Variants in PALS2 observed in about 807,000 individuals in gnomAD.
PALS2 encodes the protein protein PALS2.
In PALS2, 27 loss-of-function variants were observed where a neutral mutation model predicts 61.6. The ratio of observed to expected loss-of-function variants is 0.44; its 90% CI spans 0.32 to 0.60. The LOEUF is 0.60. Among genes scored for constraint, PALS2 ranks in the 20% least tolerant of loss-of-function variants. PALS2 has a pLI of 0.05. For missense variants in PALS2, 554 were observed against 639.4 expected (o/e 0.87, Z 1.44); for synonymous variants, 236 against 218.6 (o/e 1.08, Z -0.70).
At chr7:24,589,797 T>C (rs1783213026) in intron 1 of PALS2, among the ~76,000 whole-genome samples, 1 of 152,226 alleles carries the variant, frequency 6.6e-6, no homozygotes, top group Non-Finnish European at 1.5e-5. Context: ...TAAAGGTTTC[T>C]ATCCCTACTC....
chr7:24,578,961 A>G (rs1782738265), intron 1 of PALS2, among the ~76,000 whole-genome samples: 1 of 152,248 alleles, frequency 6.6e-6, no homozygotes, highest in South Asian at 2.1e-4. Flanking sequence ...TGAGGAAGAT[A>G]AAATATATAC....
chr7:24,633,097 TATC>T (rs1261239699), intron 2 of PALS2, among the ~76,000 whole-genome samples: 5 of 152,134 alleles, frequency 3.3e-5, no homozygotes, highest in African/African-American at 4.8e-5. Flanking sequence ...ATAAAACTAT[TATC>T]TATTAAATCA....
At chr7:24,612,947 G>C (rs1356588590) in intron 1 of PALS2, among the ~76,000 whole-genome samples, 1 of 151,700 alleles carries the variant, frequency 6.6e-6, no homozygotes, top group Admixed American at 6.6e-5. Context: ...ATAGAACCTG[G>C]TATAAAATGA....
rs191638281 is a variant in PALS2, at chr7:24,640,037, G to A, written c.118-1679G>A. 2.1e-4 allele frequency among the ~76,000 whole-genome samples: 32 copies of A among 151,864 alleles called. No homozygotes were observed. The East Asian group carries it at 4.3e-3, about 20-fold the overall frequency. ...TCACCATGTTGGGCAGGCTGGTCTCGAACTCCTGAGCTCAAGTGATCTGCC... is the reference window on the plus strand; with the variant it reads ...TCACCATGTTGGGCAGGCTGGTCTCAAACTCCTGAGCTCAAGTGATCTGCC... On this transcript the variant is annotated intron_variant, in intron 2 of 11. Coordinates refer to ENST00000222644, the MANE Select transcript of PALS2 (RefSeq NM_001303037.2).
At chr7:24,597,563 G>A (rs1439701583) in intron 1 of PALS2, among the ~76,000 whole-genome samples, 2 of 152,188 alleles carry the variant, frequency 1.3e-5, no homozygotes, top group African/African-American at 4.8e-5. Context: ...TGGAGAAGAT[G>A]TTAGCACATT....
At chr7:24,605,313 A>G (rs1434112490) in intron 1 of PALS2, among the ~76,000 whole-genome samples, 1 of 152,182 alleles carries the variant, frequency 6.6e-6, no homozygotes, top group Non-Finnish European at 1.5e-5. Context: ...AATAGAAACA[A>G]CTGCCATGTT....
At chr7:24,594,197 A>G (rs1226648636) in intron 1 of PALS2, among the ~76,000 whole-genome samples, 1 of 151,948 alleles carries the variant, frequency 6.6e-6, no homozygotes, top group Admixed American at 6.6e-5. Context: ...GTAGCTCTTC[A>G]CCTCTCTCAG....
chr7:24,607,468 CT>C (rs1783943199), intron 1 of PALS2, among the ~76,000 whole-genome samples: 1 of 151,436 alleles, frequency 6.6e-6, no homozygotes, highest in African/African-American at 2.4e-5. Flanking sequence ...GTGTATCTCT[CT>C]CTCTCTCTCT....
At chr7:24,625,277 A>G (rs1358651245) in intron 2 of PALS2, among the ~76,000 whole-genome samples, 1 of 152,182 alleles carries the variant, frequency 6.6e-6, no homozygotes, top group African/African-American at 2.4e-5. Flanking sequence ...GTTATTGTCC[A>G]TGTAGCTGTT....
chr7:24,628,218 C>T (rs1784835725), intron 2 of PALS2, among the ~76,000 whole-genome samples: 1 of 152,098 alleles, frequency 6.6e-6, no homozygotes, highest in Admixed American at 6.6e-5. Context: ...TCAACATGCA[C>T]AAATGCATAA....
intron 5 of PALS2, among the ~76,000 whole-genome samples, chr7:24,652,279 T>C (rs934523547): frequency 5.3e-5 from 8 of 152,338 alleles, no homozygotes; most frequent in African/African-American, 1.9e-4. Flanking sequence ...TAAGAGACTT[T>C]TACAGGCAAA....
chr7:24,642,552 C>T (rs1043789751), intron 3 of PALS2, among the ~76,000 whole-genome samples: 2 of 152,108 alleles, frequency 1.3e-5, no homozygotes, highest in Non-Finnish European at 2.9e-5. Context: ...TGATTTATGA[C>T]TGGGACACTG....
At chr7:24,641,547 T>C (rs1785552322) in intron 2 of PALS2, among the ~76,000 whole-genome samples, 169 bp from the exon 3 acceptor site, 1 of 152,226 alleles carries the variant, frequency 6.6e-6, no homozygotes. Context: ...TTGCATGATA[T>C]ACTTACTGTA....
chr7:24,671,679 G>T (rs1787303344), intron 9 of PALS2, among the ~76,000 whole-genome samples: 1 of 152,050 alleles, frequency 6.6e-6, no homozygotes, highest in African/African-American at 2.4e-5. Flanking sequence ...ACTCTTACAT[G>T]CAGATTATAT....
chr7:24,658,759 G>A lies in PALS2; in HGVS notation c.652-4831G>A, dbSNP rs191880704. Among the ~76,000 whole-genome samples the A allele has an allele frequency of 4.2e-4, 64 of 151,620 alleles. 1 individual carries two copies. The highest frequency in any genetic ancestry group is 3.4e-3 in the Middle Eastern group (1 of 292). ...TTTAGTAGAGACAGGGTTTCATCAC[G>A]TTGGCCAGGATGGTCTCGATCTCTT... On this transcript the variant is annotated intron_variant, in intron 5 of 11. Coordinates refer to ENST00000222644, the MANE Select transcript of PALS2 (RefSeq NM_001303037.2).
At chr7:24,629,120 A>G (rs949184331) in intron 2 of PALS2, among the ~76,000 whole-genome samples, 3 of 152,184 alleles carry the variant, frequency 2.0e-5, no homozygotes, top group Admixed American at 2.0e-4. Flanking sequence ...CTAAAACACC[A>G]TGGTACTGGT....
chr7:24,635,568 C>T (rs1037473082), intron 2 of PALS2, among the ~76,000 whole-genome samples: 1 of 152,036 alleles, frequency 6.6e-6, no homozygotes, highest in Admixed American at 6.6e-5. Context: ...TGGCTATAAC[C>T]TCCAGTACAA....
Position 24,646,651 on chromosome 7 carries a change from A to G in PALS2, c.271-2961A>G, listed in dbSNP as rs375678936. On this transcript the variant is annotated intron_variant, in intron 3 of 11. Transcript: ENST00000222644. The stretch of plus-strand genomic sequence containing the variant: ...GTTTCTGCCAGGTTTTGATATAAAG[A>G]TGAGGCTGCCCTCATAGAATTAGTT... Among the ~76,000 whole-genome samples the G allele has an allele frequency of 4.0e-4, 61 of 152,314 alleles. 1 individual carries two copies. The highest frequency in any genetic ancestry group is 3.4e-3 in the Middle Eastern group (1 of 294).
intron 1 of PALS2, among the ~76,000 whole-genome samples, chr7:24,620,937 T>A (rs1161913088): frequency 6.6e-6 from 1 of 152,116 alleles, no homozygotes; most frequent in Non-Finnish European, 1.5e-5. Flanking sequence ...TTCACATATG[T>A]TTGAAGTTTT....
Sources: allele counts gnomAD v4.1 joint callset (sites outside exome capture counted in the v4.1 genomes callset), GRCh38; gene constraint gnomAD v4.1.1; transcripts MANE v1.5; gene names NCBI Gene and HGNC (gene_info 2026-07-23, HGNC 2026-07-21).